Variants in EBF3 observed in about 807,000 individuals in gnomAD.
EBF3 encodes the protein EBF transcription factor 3.
A neutral mutation model predicts 77.1 loss-of-function variants in EBF3; 18 were observed. The ratio of observed to expected loss-of-function variants is 0.23; its 90% confidence interval spans 0.16 to 0.35. EBF3 has a LOEUF of 0.35. Among genes scored for constraint, EBF3 ranks in the 10% least tolerant of loss-of-function variants. The pLI is 1.00. For synonymous variants in EBF3, 350 were observed against 343.5 expected (o/e 1.02, Z -0.21); for missense variants, 558 against 860.0 (o/e 0.65, Z 4.39).
chr10:129,850,744 T>C (rs1850816323), intron 10 of EBF3, among the ~76,000 whole-genome samples: 2 of 151,896 alleles, frequency 1.3e-5, no homozygotes, highest in South Asian at 4.2e-4. Context: ...AAGGTGGGGG[T>C]TCCCAATCCA....
intron 6 of EBF3, among the ~76,000 whole-genome samples, chr10:129,911,609 G>A (rs558778683): frequency 1.6e-4 from 25 of 152,306 alleles, no homozygotes; most frequent in South Asian, 4.1e-4. Flanking sequence ...TGGTGGGCAC[G>A]GGATGGGAAG....
intron 6 of EBF3, among the ~76,000 whole-genome samples, chr10:129,949,310 C>T (rs1376828236): frequency 6.6e-6 from 1 of 152,146 alleles, no homozygotes; most frequent in Non-Finnish European, 1.5e-5. Flanking sequence ...CTCAAAAACA[C>T]ACACAGAAAA....
In EBF3 at chr10:129,915,897, G is replaced by A. The variant is rs1855856575; in HGVS notation, c.555-38048C>T. On this transcript the variant is annotated intron_variant, in intron 6 of 16. Coordinates refer to ENST00000440978, the MANE Select transcript of EBF3 (RefSeq NM_001375380.1). The stretch of plus-strand genomic sequence containing the variant: ...CCTTCCCGGGTGGCAGGGAGAGATG[G>A]CCCCTGGGGAGACGGGGAGGGTGCA... 2.0e-5 allele frequency among the ~76,000 whole-genome samples: 3 copies of A among 152,180 alleles called. No individual in the cohort carries two copies. In the South Asian group the frequency reaches 6.2e-4, roughly 32 times the overall value.
At chr10:129,958,824 T>C in intron 5 of EBF3, 110 bp downstream of exon 5, 6 of 1,376,744 alleles carry the variant, frequency 4.4e-6, no homozygotes, top group Non-Finnish European at 5.7e-6. Flanking sequence ...TTTCAATCGA[T>C]GCCCTTCCCG....
At chr10:129,874,063 G>C (rs554326705) in intron 7 of EBF3, among the ~76,000 whole-genome samples, 2 of 152,156 alleles carry the variant, frequency 1.3e-5, no homozygotes, top group Non-Finnish European at 2.9e-5. Context: ...CATAAATCAG[G>C]AACATTCCTA....
At chr10:129,923,604 G>A (rs1224699066) in intron 6 of EBF3, among the ~76,000 whole-genome samples, 1 of 152,070 alleles carries the variant, frequency 6.6e-6, no homozygotes, top group African/African-American at 2.4e-5. Context: ...GAGTAAAATT[G>A]GACCCTTACA....
At chr10:129,869,095 A>C (rs1342234953) in intron 8 of EBF3, among the ~76,000 whole-genome samples, 6 of 152,214 alleles carry the variant, frequency 3.9e-5, no homozygotes, top group Non-Finnish European at 7.3e-5. Context: ...ATGTTTGGAC[A>C]CAATTACACC....
At position 129,896,406 on chromosome 10, in the gene EBF3, A is replaced by C. The variant is rs142572741; in HGVS notation, c.555-18557T>G. On this transcript the variant is annotated intron_variant, in intron 6 of 16. Transcript: ENST00000440978. The stretch of plus-strand genomic sequence containing the variant: ...GCCAAGCAACAAGACATAACCTGAC[A>C]GCTCCGCTCCCGGCCACGCGGCCAC... 3.1e-3 allele frequency among the ~76,000 whole-genome samples: 470 copies of C among 152,374 alleles called. 3 individuals carry two copies. Among genetic ancestry groups the C allele is most frequent in the African/African-American group, 0.011 (450 of 41,598 alleles).
At position 129,943,339 on chromosome 10, in the gene EBF3, C is replaced by CG. The variant is rs1554930130; in HGVS notation, c.554+13918_554+13919insC. 1.2e-3 allele frequency among the ~76,000 whole-genome samples: 188 copies of CG among 152,154 alleles called. No homozygotes were observed. The highest frequency in any genetic ancestry group is 2.0e-3 in the Non-Finnish European group (135 of 67,976). On this transcript the variant is annotated intron_variant, in intron 6 of 16. Transcript: ENST00000440978. This position sits in a 1 kb window ranked among gnomAD's most constrained non-coding sequence, Gnocchi z 8.8. ...GAAGCAAATTGGATTTGCCCTATCA[C>CG]AAAAAAAATTAATTCCAGATTGTAG... is the stretch of plus-strand genomic sequence containing the variant.
intron 6 of EBF3, among the ~76,000 whole-genome samples, chr10:129,901,813 C>G (rs1172289487): frequency 6.6e-6 from 1 of 152,156 alleles, no homozygotes; most frequent in East Asian, 1.9e-4. Context: ...GGGTGGGCCT[C>G]GTGGCGAGGG....
At chr10:129,937,116 G>A (rs1382009336) in intron 6 of EBF3, among the ~76,000 whole-genome samples, 2 of 152,180 alleles carry the variant, frequency 1.3e-5, no homozygotes, top group Non-Finnish European at 2.9e-5. Flanking sequence ...AAGCTGGACT[G>A]GCTGTCTGAA....
At chr10:129,958,671 G>C (rs1398552126) in intron 5 of EBF3, among the ~76,000 whole-genome samples, 1 of 152,302 alleles carries the variant, frequency 6.6e-6, no homozygotes, top group African/African-American at 2.4e-5. Flanking sequence ...ACCCAGACCT[G>C]TTTTCATTTT....
intron 10 of EBF3, among the ~76,000 whole-genome samples, chr10:129,860,368 C>T (rs1406948240): frequency 1.3e-5 from 2 of 152,126 alleles, no homozygotes; most frequent in Non-Finnish European, 2.9e-5. Flanking sequence ...CATCCTCAAC[C>T]CAACAATTAC....
chr10:129,956,075 T>G lies in EBF3; in HGVS notation c.554+1183A>C, dbSNP rs377261918. On this transcript the variant is annotated intron_variant, in intron 6 of 16. Transcript: ENST00000440978. The stretch of plus-strand genomic sequence containing the variant: ...GCCACAACTGGTCAACCCTATTTGA[T>G]TACTAATAAGAGAGCTGTCCCTTCT... Among the ~76,000 whole-genome samples the G allele has an allele frequency of 6.2e-4, 95 of 152,346 alleles. 4 individuals carry two copies. The South Asian group carries it at 0.019, about 31-fold the overall frequency.
rs574820339 is a variant in EBF3 at position 129,886,301 on chromosome 10, G to C, written c.555-8452C>G. On this transcript the variant is annotated intron_variant, in intron 6 of 16. Transcript: ENST00000440978. The stretch of plus-strand genomic sequence containing the variant: ...AAAAACTTATTAAAACATTATAAAT[G>C]ATTAATGGGCGCACAGCTCTGAGTG... Among the ~76,000 whole-genome samples, 7 of 152,366 alleles carry C rather than the reference G, an allele frequency of 4.6e-5. No homozygotes were observed. In the South Asian group the frequency reaches 1.4e-3, roughly 32 times the overall value.
chr10:129,912,184 G>A (rs897063234), intron 6 of EBF3, among the ~76,000 whole-genome samples: 2 of 152,096 alleles, frequency 1.3e-5, no homozygotes, highest in Admixed American at 6.5e-5. Context: ...ATGGAATATC[G>A]CCCTCCACTC....
chr10:129,843,704 A>G (rs1850254345), intron 11 of EBF3, among the ~76,000 whole-genome samples: 2 of 152,252 alleles, frequency 1.3e-5, no homozygotes, highest in African/African-American at 2.4e-5. Flanking sequence ...CAAATTTGCA[A>G]GTGAGTTCAG....
chr10:129,841,129 C>T lies in EBF3; in HGVS notation c.1373-97G>A. ...GAATCTATATCATATATTAACATTG[C>T]TAATTGACCCTGTGCTTTCCACCTG... On this transcript the variant is annotated intron_variant, in intron 13 of 16. Transcript: ENST00000440978. The surrounding 1 kb of genome is among the most constrained non-coding windows in gnomAD (Gnocchi z 4.6). 2.0e-6 allele frequency: 3 copies of T among 1,476,524 alleles called. No individual in the cohort carries two copies. In the South Asian group the frequency reaches 3.9e-5, roughly 19 times the overall value. 91.5% of individuals were successfully genotyped at this position (1,476,524 alleles called of 1,614,324 possible). A position where few individuals can be genotyped will look rare whatever the true frequency, so the allele number is the denominator to read the frequency against.
Position 129,864,666 on chromosome 10 carries a change from A to G in EBF3, c.1039+2475T>C, listed in dbSNP as rs550036436. 5.3e-5 allele frequency among the ~76,000 whole-genome samples: 8 copies of G among 152,298 alleles called. No homozygotes were observed. Among genetic ancestry groups the G allele is most frequent in the African/African-American group, 1.9e-4 (8 of 41,556 alleles). The stretch of plus-strand genomic sequence containing the variant: ...TATTCATCCATTTTTGTGCAGAGGA[A>G]GTCAGTCTTGCCACATGCAAACACA... On this transcript the variant is annotated intron_variant, in intron 10 of 16. Transcript: ENST00000440978. The surrounding 1 kb of genome is among the most constrained non-coding windows in gnomAD (Gnocchi z 4.4).
Sources: gnomAD v4.1 joint callset for allele counts (sites outside exome capture counted in the v4.1 genomes callset) on GRCh38, gnomAD v4.1.1 for gene constraint, Gnocchi (gnomAD v3.1) non-coding constraint, MANE v1.5 for transcripts, NCBI Gene and HGNC (gene_info 2026-07-23, HGNC 2026-07-21) for gene names.